NPTN: variants seen among roughly 807,000 people sequenced by gnomAD.
The protein encoded by NPTN is SDR-1.
A neutral mutation model predicts 42.7 loss-of-function variants in NPTN; 5 were observed. The ratio of observed to expected loss-of-function variants is 0.12; its 90% CI spans 0.06 to 0.25. The LOEUF (loss-of-function observed/expected upper bound fraction) is 0.25, where lower values mean the gene tolerates loss of function less well. Ranked by LOEUF, NPTN falls within the 10% of genes least tolerant of loss-of-function variation. The probability of loss-of-function intolerance (pLI) is 1.00; values close to 1 mark genes in which losing one functional copy is unlikely to be tolerated. For synonymous variants in NPTN, 180 were observed against 201.9 expected (o/e 0.89, Z 0.92); for missense variants, 307 against 525.4 (o/e 0.58, Z 4.06).
chr15:73,580,397 A>G (rs1216682626), intron 4 of NPTN, among the ~76,000 whole-genome samples: 1 of 128,156 alleles, frequency 7.8e-6, no homozygotes, highest in Non-Finnish European at 1.6e-5. Context: ...TAAAATATAT[A>G]TATTATATAT....
chr15:73,633,307 G>T lies in NPTN; in HGVS notation c.-92C>A. 1.1e-6 allele frequency: 1 copy of T among 950,134 alleles called. No homozygotes were observed. The highest frequency in any genetic ancestry group is 1.5e-6 in the Non-Finnish European group (1 of 673,584). The allele number at this position is 950,134 out of a possible 1,614,324, so 58.9% of individuals were successfully genotyped here. On this transcript the variant is annotated 5_prime_UTR_variant, in exon 1 of 9. Coordinates refer to ENST00000345330, the MANE Select transcript of NPTN (RefSeq NM_012428.4). ...AGGGAGGGAGGGGGCGGGCGAGTGC[G>T]CGAGGGAGTGAGCGAGGGAGGCAGC...
intron 6 of NPTN, chr15:73,568,774 A>C: frequency 1.0e-6 from 1 of 985,512 alleles, no homozygotes; most frequent in Non-Finnish European, 1.2e-6. Flanking sequence ...TGCTGAGTGC[A>C]CATCTGGAGG....
chr15:73,633,316 T>C lies in NPTN; in HGVS notation c.-101A>G. On this transcript the variant is annotated 5_prime_UTR_variant, in exon 1 of 9. Transcript: ENST00000345330. ...GGGGGCGGGCGAGTGCGCGAGGGAGTGAGCGAGGGAGGCAGCCGCGGCTCG... is the reference window on the plus strand; with the variant it reads ...GGGGGCGGGCGAGTGCGCGAGGGAGCGAGCGAGGGAGGCAGCCGCGGCTCG... The C allele has an allele frequency of 2.3e-6, 2 of 881,918 alleles. No homozygotes were observed. Among genetic ancestry groups the C allele is most frequent in the Non-Finnish European group, 1.6e-6 (1 of 618,044 alleles). 54.6% of individuals were successfully genotyped at this position (881,918 alleles called of 1,614,324 possible). A position where few individuals can be genotyped will look rare whatever the true frequency, so the allele number is the denominator to read the frequency against.
intron 1 of NPTN, among the ~76,000 whole-genome samples, chr15:73,628,481 T>G (rs1368063716): frequency 3.9e-5 from 6 of 152,252 alleles, no homozygotes; most frequent in Admixed American, 6.5e-5. Flanking sequence ...ATAATTTTAT[T>G]CAAACTTTTG....
At chr15:73,609,341 A>G (rs769040281) in intron 1 of NPTN, among the ~76,000 whole-genome samples, 8 of 152,242 alleles carry the variant, frequency 5.3e-5, no homozygotes, top group Non-Finnish European at 1.2e-4. Context: ...GCCTTTACAA[A>G]GAATCCTGGC....
intron 6 of NPTN, chr15:73,567,358 T>G (rs2141353952): frequency 1.0e-6 from 1 of 985,330 alleles, no homozygotes; most frequent in Non-Finnish European, 1.2e-6. Flanking sequence ...ATAAAAAAAA[T>G]CCAACACAGA....
chr15:73,563,412 C>CA (rs1894806321), intron 6 of NPTN, 155 bp from the exon 7 acceptor site: 2 of 1,440,070 alleles, frequency 1.4e-6, no homozygotes, highest in Middle Eastern at 5.1e-4. Flanking sequence ...TCTGGAGGTG[C>CA]AAAACACTCA....
intron 2 of NPTN, 60 bp from the exon 3 acceptor site, chr15:73,592,197 C>G (rs1324963777): frequency 6.8e-6 from 10 of 1,479,434 alleles, no homozygotes; most frequent in Non-Finnish European, 8.3e-6. Context: ...TAGCCCTGGC[C>G]TGAGAGTTGG....
At chr15:73,583,599 G>T (rs773000552) in intron 4 of NPTN, among the ~76,000 whole-genome samples, 5 of 152,180 alleles carry the variant, frequency 3.3e-5, no homozygotes, top group Non-Finnish European at 7.4e-5. Flanking sequence ...GAGAGGAAAA[G>T]AAAGTGCAGG....
At position 73,568,334 on chromosome 15, in the gene NPTN, G is replaced by A. The variant is rs1042440039; in HGVS notation, c.1114+1816C>T. ...TAAAATTTAAAAATCAGGTTCTGAA[G>A]TCCATCTCTGCCTTCTCTTACCTGA... On this transcript the variant is annotated intron_variant, in intron 6 of 8. Transcript: ENST00000345330. 8 of 985,338 alleles carry A rather than the reference G, an allele frequency of 8.1e-6. No homozygotes were observed. The African/African-American group carries it at 1.0e-4, about 13-fold the overall frequency. The allele number at this position is 985,338 out of a possible 1,614,324, so 61.0% of individuals were successfully genotyped here.
chr15:73,576,673 G>A (rs1006382634), intron 4 of NPTN, among the ~76,000 whole-genome samples: 31 of 152,216 alleles, frequency 2.0e-4, no homozygotes, highest in African/African-American at 6.7e-4. Flanking sequence ...AGTTATCTTG[G>A]GACCTCAAGA....
intron 1 of NPTN, among the ~76,000 whole-genome samples, chr15:73,624,232 G>A (rs959210174): frequency 9.9e-5 from 15 of 152,152 alleles, no homozygotes; most frequent in African/African-American, 3.1e-4. Context: ...CTTTTGATAC[G>A]TGATCACTAT....
intron 6 of NPTN, chr15:73,563,562 C>A (rs1894814312): frequency 8.4e-7 from 1 of 1,191,914 alleles, no homozygotes; most frequent in Non-Finnish European, 1.0e-6. Context: ...CTCATCTTGT[C>A]CCCAAGTTCC....
At chr15:73,589,572 T>A (rs1463227219) in intron 3 of NPTN, among the ~76,000 whole-genome samples, 2 of 152,130 alleles carry the variant, frequency 1.3e-5, no homozygotes, top group Non-Finnish European at 2.9e-5. Context: ...AGGGCTGAGT[T>A]CTAGCTCTTT....
Position 73,585,803 on chromosome 15 carries a change from A to G in NPTN, c.706+1721T>C, listed in dbSNP as rs537276615. Among the ~76,000 whole-genome samples, 9 of 152,372 alleles carry G rather than the reference A, an allele frequency of 5.9e-5. No individual in the cohort carries two copies. The South Asian group carries it at 1.5e-3, about 25-fold the overall frequency. ...ACCTTCCACACAGGGCTATTTGTAC[A>G]GTGAGAATCCAACAGTGCACAGTAA... On this transcript the variant is annotated intron_variant, in intron 4 of 8. Coordinates refer to ENST00000345330, the MANE Select transcript of NPTN (RefSeq NM_012428.4).
At chr15:73,563,153 C>G (rs1894782347) in intron 7 of NPTN, 83 bp downstream of exon 7, 1 of 993,464 alleles carries the variant, frequency 1.0e-6, no homozygotes, top group Admixed American at 1.8e-5. Flanking sequence ...CCCCTCCAAT[C>G]TTAGCTACTC....
chr15:73,560,361 CAGA>C lies in NPTN; in HGVS notation c.*699_*701del, dbSNP rs1447753373. 4 of 155,334 alleles carry C rather than the reference CAGA, an allele frequency of 2.6e-5. No homozygotes were observed. The highest frequency in any genetic ancestry group is 9.7e-5 in the African/African-American group (4 of 41,440). 9.6% of individuals were successfully genotyped at this position (155,334 alleles called of 1,614,324 possible). ...GGATTTATGAATTTACATGACTTAA[CAGA>C]AGAAAAGATAATCACTTAAAAAGCA... is the stretch of plus-strand genomic sequence containing the variant. On this transcript the variant is annotated 3_prime_UTR_variant, in exon 9 of 9. Transcript: ENST00000345330.
intron 4 of NPTN, among the ~76,000 whole-genome samples, chr15:73,575,585 G>A (rs1413230038): frequency 2.0e-5 from 3 of 152,242 alleles, no homozygotes; most frequent in Admixed American, 2.0e-4. Context: ...GACACCTCGT[G>A]TCCTTGTCTA....
At position 73,592,101 on chromosome 15, in the gene NPTN, C is replaced by T. The variant is rs371877856; in HGVS notation, c.476G>A (p.Arg159Gln). 1.2e-5 allele frequency: 20 copies of T among 1,613,916 alleles called. No homozygotes were observed. Among genetic ancestry groups the T allele is most frequent in the Admixed American group, 1.7e-5 (1 of 60,006 alleles). Residue 159 changes from arginine (R) to glutamine (Q), a missense_variant, in exon 3 of 9, where the codon CGA (arginine) becomes CAA (glutamine). Physicochemically the swap from Arg to Gln is conservative, Grantham distance 43. Around this residue, in one of 2 missense-constraint regions of NPTN, gnomAD observed 264 missense variants for 491.1 expected, o/e 0.54. Coordinates refer to ENST00000345330, the MANE Select transcript of NPTN (RefSeq NM_012428.4). Reference protein sequence around the residue: ...RIVTSEEVIIRDSPVLPVTLQ... With the variant: ...RIVTSEEVIIQDSPVLPVTLQ... Reference sequence around the variant, plus strand: ...GGTGACAGGGAGAACAGGGCTGTCTCGAATAATGACCTCTTCACTGGTGAC... The same window carrying T: ...GGTGACAGGGAGAACAGGGCTGTCTTGAATAATGACCTCTTCACTGGTGAC...
Sources: allele counts gnomAD v4.1 joint callset (sites outside exome capture counted in the v4.1 genomes callset), GRCh38; gene constraint gnomAD v4.1.1; regional missense constraint gnomAD v4.1.1; transcripts MANE v1.5; gene names NCBI Gene and HGNC (gene_info 2026-07-23, HGNC 2026-07-21).